The following PRRX1 variants were observed in gnomAD, a reference collection of about 807,000 sequenced individuals.
The protein encoded by PRRX1 is paired related homeobox 1.
Under a neutral mutation model 24.0 loss-of-function variants are expected in PRRX1, and 8 were observed. The ratio of observed to expected loss-of-function variants is 0.33; its 90% CI spans 0.20 to 0.60. PRRX1 has a LOEUF of 0.60. PRRX1 is among the 20% of genes least tolerant of loss of function. PRRX1 has a pLI of 0.82. For synonymous variants in PRRX1, 160 were observed against 131.7 expected, an observed-to-expected ratio of 1.22 and a Z score of -1.47; for missense variants, 281 against 322.4, an observed-to-expected ratio of 0.87 and a Z score of 0.98.
chr1:170,716,482 G>A (rs532363741), intron 1 of PRRX1, among the ~76,000 whole-genome samples: 1 of 152,118 alleles, frequency 6.6e-6, no homozygotes, highest in South Asian at 2.1e-4. Flanking sequence ...TACTCGGGAG[G>A]CTGAGGCAGG....
intron 1 of PRRX1, among the ~76,000 whole-genome samples, chr1:170,674,016 A>T (rs957974149): frequency 1.3e-5 from 2 of 152,226 alleles, no homozygotes; most frequent in Admixed American, 6.5e-5. Context: ...CAAATGACAA[A>T]TGCTAGTGTA....
chr1:170,734,425 T>C (rs1197631531), intron 3 of PRRX1, among the ~76,000 whole-genome samples: 1 of 152,114 alleles, frequency 6.6e-6, no homozygotes, highest in South Asian at 2.1e-4. Context: ...GTCTGATCTA[T>C]GGAGCTTATA....
chr1:170,726,175 T>A, intron 2 of PRRX1, 45 bp from the exon 3 acceptor site: 1 of 1,565,342 alleles, frequency 6.4e-7, no homozygotes, highest in Admixed American at 1.7e-5. Flanking sequence ...TTCTTTGTTT[T>A]TCCTCTCTTT....
intron 1 of PRRX1, among the ~76,000 whole-genome samples, chr1:170,712,439 GT>G (rs1654780924): frequency 6.6e-6 from 1 of 152,078 alleles, no homozygotes; most frequent in Admixed American, 6.6e-5. Context: ...CCATATAAAC[GT>G]ATTTGAATGG....
chr1:170,672,331 T>C lies in PRRX1; in HGVS notation c.241+7872T>C, dbSNP rs191434842. ...ACAAACTGGAATAATATATATTTTG[T>C]CTTCATAGCATAGATGATGGTTAAT... On this transcript the variant is annotated intron_variant, in intron 1 of 3. Transcript: ENST00000239461. Among the ~76,000 whole-genome samples the C allele has an allele frequency of 2.7e-3, 410 of 152,318 alleles. 1 individual carries two copies. Among genetic ancestry groups the C allele is most frequent in the African/African-American group, 9.3e-3 (387 of 41,580 alleles).
rs779222950 is a variant in PRRX1 at position 170,664,344 on chromosome 1, G to A, written c.126G>A (p.Leu42=). 32 of 1,613,896 alleles carry A rather than the reference G, an allele frequency of 2.0e-5. No homozygotes were observed. Among genetic ancestry groups the A allele is most frequent in the Non-Finnish European group, 2.7e-5 (32 of 1,179,968 alleles). The change falls in exon 1 of 4, where the codon CTG becomes CTA. Residue 42 remains leucine, a synonymous_variant. Coordinates refer to ENST00000239461, the MANE Select transcript of PRRX1 (RefSeq NM_022716.4). Reference sequence around the variant, plus strand: ...TCTCCGTCAGTCACCTGCTAGACCTGGAGGAAGCCGGGGACATGGTGGCGG... The same window carrying A: ...TCTCCGTCAGTCACCTGCTAGACCTAGAGGAAGCCGGGGACATGGTGGCGG... The part of the protein sequence containing the change: ...KNFSVSHLLD[L]EEAGDMVAAQ...
Position 170,677,665 on chromosome 1 carries a change from C to T in PRRX1, c.241+13206C>T, listed in dbSNP as rs184242499. 4.5e-3 allele frequency among the ~76,000 whole-genome samples: 693 copies of T among 152,324 alleles called. 2 individuals are homozygous for T. The highest frequency in any genetic ancestry group is 0.02 in the South Asian group (95 of 4,824). ...ACAATTAGAAACTGATGCCTCATAA[C>T]TTTCAGTGATACTTATACCGCCACA... On this transcript the variant is annotated intron_variant, in intron 1 of 3. Coordinates refer to ENST00000239461, the MANE Select transcript of PRRX1 (RefSeq NM_022716.4).
At chr1:170,704,097 G>A (rs1361906397) in intron 1 of PRRX1, among the ~76,000 whole-genome samples, 1 of 152,096 alleles carries the variant, frequency 6.6e-6, no homozygotes, top group African/African-American at 2.4e-5. Flanking sequence ...TGTTAAACTA[G>A]ATAAATATAA....
chr1:170,720,792 G>C (rs1655057362), intron 2 of PRRX1, among the ~76,000 whole-genome samples: 1 of 152,202 alleles, frequency 6.6e-6, no homozygotes, highest in Non-Finnish European at 1.5e-5. Context: ...GCAGGAAAAA[G>C]AGAATAGCCA....
intron 1 of PRRX1, among the ~76,000 whole-genome samples, chr1:170,685,425 A>T (rs1216685057): frequency 6.6e-6 from 1 of 152,142 alleles, no homozygotes; most frequent in East Asian, 1.9e-4. Flanking sequence ...GAGCTAGGGG[A>T]TTTGTTAGGC....
chr1:170,694,077 T>C (rs1654079286), intron 1 of PRRX1, among the ~76,000 whole-genome samples: 1 of 152,114 alleles, frequency 6.6e-6, no homozygotes, highest in African/African-American at 2.4e-5. Context: ...TACCACATAC[T>C]TTGGTTTCCA....
At chr1:170,689,153 C>A (rs1218736101) in intron 1 of PRRX1, among the ~76,000 whole-genome samples, 1 of 151,944 alleles carries the variant, frequency 6.6e-6, no homozygotes, top group Non-Finnish European at 1.5e-5. Context: ...TAATAGAGGA[C>A]CTTTATTTTT....
At chr1:170,690,234 A>G (rs948666231) in intron 1 of PRRX1, among the ~76,000 whole-genome samples, 3 of 151,912 alleles carry the variant, frequency 2.0e-5, no homozygotes, top group Non-Finnish European at 4.4e-5. Context: ...CTATGAGCTT[A>G]TAGTTTAGCA....
At chr1:170,668,903 TTTA>T (rs2101883145) in intron 1 of PRRX1, 1 of 152,252 alleles carries the variant, frequency 6.6e-6, no homozygotes, top group South Asian at 2.1e-4. Flanking sequence ...AACTTTTCTC[TTTA>T]GAGGAGGTGA....
At chr1:170,733,631 T>G (rs2101927595) in intron 3 of PRRX1, among the ~76,000 whole-genome samples, 1 of 152,274 alleles carries the variant, frequency 6.6e-6, no homozygotes, top group Admixed American at 6.5e-5. Flanking sequence ...TGTTTACAAT[T>G]TCACTAATTG....
At chr1:170,678,769 T>C (rs1653405340) in intron 1 of PRRX1, among the ~76,000 whole-genome samples, 2 of 152,224 alleles carry the variant, frequency 1.3e-5, no homozygotes, top group Non-Finnish European at 2.9e-5. Context: ...TCATGTCTAA[T>C]AATTTAGAGA....
chr1:170,667,308 G>GCGCA (rs1249161739), intron 1 of PRRX1: 1 of 116,112 alleles, frequency 8.6e-6, no homozygotes, highest in Non-Finnish European at 1.7e-5. Flanking sequence ...GCGCGCGCGC[G>GCGCA]CGCACACACA....
At chr1:170,710,875 T>C (rs1245818628) in intron 1 of PRRX1, among the ~76,000 whole-genome samples, 1 of 152,212 alleles carries the variant, frequency 6.6e-6, no homozygotes, top group African/African-American at 2.4e-5. Context: ...GCTTCCAGCC[T>C]CTGAAACATA....
chr1:170,671,741 G>A (rs1395813209), intron 1 of PRRX1, among the ~76,000 whole-genome samples: 1 of 152,190 alleles, frequency 6.6e-6, no homozygotes, highest in African/African-American at 2.4e-5. Flanking sequence ...CCTTTCAAAT[G>A]AGGGTGGTCG....
Sources: allele counts gnomAD v4.1 joint callset (sites outside exome capture counted in the v4.1 genomes callset), GRCh38; gene constraint gnomAD v4.1.1; transcripts MANE v1.5; gene names NCBI Gene and HGNC (gene_info 2026-07-23, HGNC 2026-07-21).